Variants in ASAP3 observed in about 807,000 individuals in gnomAD.
ASAP3 encodes the protein arf-GAP with SH3 domain, ANK repeat and PH domain-containing protein 3.
A neutral mutation model predicts 118.2 loss-of-function variants in ASAP3; 85 were observed. That is an observed-to-expected ratio of 0.72 (90% CI 0.60 to 0.86). The LOEUF is 0.86. Among genes scored for constraint, ASAP3 ranks in the 40% least tolerant of loss-of-function variants. The pLI, the probability that ASAP3 is intolerant of heterozygous loss-of-function variation, is 0.00. For missense variants in ASAP3, 1,026 were observed against 1,175.0 expected, an observed-to-expected ratio of 0.87 and a Z score of 1.85; for synonymous variants, 432 against 477.4, an observed-to-expected ratio of 0.90 and a Z score of 1.24.
intron 22 of ASAP3, among the ~76,000 whole-genome samples, chr1:23,432,685 C>T (rs1009940291): frequency 6.6e-6 from 1 of 152,248 alleles, no homozygotes; most frequent in African/African-American, 2.4e-5. Flanking sequence ...TTGGGATTTA[C>T]ATTCTATATC....
Position 23,436,099 on chromosome 1 carries a change from C to T in ASAP3, c.1572-71G>A. ...CCAGCTGATCCCTGGGGCCCTCCCA[C>T]AGGAGATACAGCTCTCTTTTTCTCC... is the stretch of plus-strand genomic sequence containing the variant. On this transcript the variant is annotated intron_variant, in intron 16 of 24. Transcript: ENST00000336689. This position sits in a 1 kb window ranked among gnomAD's most constrained non-coding sequence, Gnocchi z 4.2. The T allele has an allele frequency of 1.3e-6, 2 of 1,512,532 alleles. No individual in the cohort carries two copies. The highest frequency in any genetic ancestry group is 2.3e-5 in the East Asian group (1 of 44,200). The allele number at this position is 1,512,532 out of a possible 1,614,324, so 93.7% of individuals were successfully genotyped here. A position where few individuals can be genotyped will look rare whatever the true frequency, so the allele number is the denominator to read the frequency against.
chr1:23,456,016 C>T lies in ASAP3; in HGVS notation c.213G>A (p.Glu71=), dbSNP rs1479970825. The T allele has an allele frequency of 1.2e-6, 2 of 1,614,136 alleles. No individual in the cohort carries two copies. ...AIHSSGLGHV[E]NEEQYREAVE... is the part of the protein sequence containing the mutation. Reference sequence around the variant, plus strand: ...CGGCCTCTCGGTACTGCTCTTCATTCTCCACATGGCCTGTGGAGGTACAGA... The same window carrying T: ...CGGCCTCTCGGTACTGCTCTTCATTTTCCACATGGCCTGTGGAGGTACAGA... The change falls in exon 3 of 25, where the codon GAG becomes GAA. Residue 71 remains glutamate (E), a synonymous_variant. Transcript: ENST00000336689.
chr1:23,447,641 A>T (rs1206377165), intron 5 of ASAP3, among the ~76,000 whole-genome samples: 2 of 152,224 alleles, frequency 1.3e-5, no homozygotes, highest in African/African-American at 4.8e-5. Flanking sequence ...TGGTAGGATT[A>T]TGATGATTCA....
Position 23,437,111 on chromosome 1 carries a change from C to T in ASAP3, c.1342+19G>A. 1 of 1,601,406 alleles carries T rather than the reference C, an allele frequency of 6.2e-7. No individual in the cohort carries two copies. On this transcript the variant is annotated intron_variant, in intron 14 of 24. Transcript: ENST00000336689. The surrounding 1 kb of genome is among the most constrained non-coding windows in gnomAD (Gnocchi z 6.1). ...CCCTCCACTTAAGCCTCCCTCCTGC[C>T]CCGGCCCCGGGGACCGACCTGCAGC...
chr1:23,436,761 G>A lies in ASAP3; in HGVS notation c.1477-107C>T, dbSNP rs536596252. ...AGTCCCGCCCCTCGGCCGCCCTCCC[G>A]GTTCAGGCCCCGCCCCTGACCACCC... On this transcript the variant is annotated intron_variant, in intron 15 of 24. Coordinates refer to ENST00000336689, the MANE Select transcript of ASAP3 (RefSeq NM_017707.4). The surrounding 1 kb of genome is among the most constrained non-coding windows in gnomAD (Gnocchi z 4.2). The A allele has an allele frequency of 9.2e-6, 12 of 1,307,736 alleles. No homozygotes were observed. In the African/African-American group the frequency reaches 1.6e-4, roughly 18 times the overall value. 81.0% of individuals were successfully genotyped at this position (1,307,736 alleles called of 1,614,324 possible).
In ASAP3 at chr1:23,436,662, C is replaced by A. The variant is rs773869832; in HGVS notation, c.1477-8G>T. On this transcript the variant is annotated splice_region_variant and splice_polypyrimidine_tract_variant and intron_variant, in intron 15 of 24. Transcript: ENST00000336689. This position sits in a 1 kb window ranked among gnomAD's most constrained non-coding sequence, Gnocchi z 4.2. ...TCCCATGTTCAAGGCCAGCTGGAGT[C>A]GTAGGAAAATAGACGTGGGGCGGAG... is the stretch of plus-strand genomic sequence containing the variant. The A allele has an allele frequency of 3.7e-6, 6 of 1,614,140 alleles. No individual in the cohort carries two copies. Among genetic ancestry groups the A allele is most frequent in the Non-Finnish European group, 4.2e-6 (5 of 1,180,016 alleles).
chr1:23,474,645 G>A (rs1190804046), intron 1 of ASAP3, among the ~76,000 whole-genome samples: 2 of 151,438 alleles, frequency 1.3e-5, no homozygotes, highest in Non-Finnish European at 2.9e-5. Flanking sequence ...GTGCAGTGGC[G>A]CAATCTCGGC....
At position 23,438,051 on chromosome 1, in the gene ASAP3, G is replaced by C. The variant is rs1033429395; in HGVS notation, c.1103-579C>G. ...ATGAACCCTCCACTCTGGCCAAACC[G>C]GCCAGACCCACTCTCCTGCTTCCAT... On this transcript the variant is annotated intron_variant, in intron 12 of 24. Coordinates refer to ENST00000336689, the MANE Select transcript of ASAP3 (RefSeq NM_017707.4). This position sits in a 1 kb window ranked among gnomAD's most constrained non-coding sequence, Gnocchi z 4.9. Among the ~76,000 whole-genome samples, 1 of 151,984 alleles carries C rather than the reference G, an allele frequency of 6.6e-6. No individual in the cohort carries two copies.
At chr1:23,452,622 G>GT (rs1641253364) in intron 4 of ASAP3, 75 bp downstream of exon 4, 1 of 1,500,626 alleles carries the variant, frequency 6.7e-7, no homozygotes, top group Non-Finnish European at 9.3e-7. Flanking sequence ...CCTCAGTCCA[G>GT]CCCTGCCCCC....
In ASAP3 at chr1:23,484,101, C is replaced by G. The variant is rs1642409961; in HGVS notation, c.33G>C (p.Leu11=). 3.0e-6 allele frequency: 4 copies of G among 1,341,024 alleles called. No homozygotes were observed. In the African/African-American group the frequency reaches 4.5e-5, roughly 15 times the overall value. The allele number at this position is 1,341,024 out of a possible 1,614,324, so 83.1% of individuals were successfully genotyped here. The change falls in exon 1 of 25, where the codon CTG becomes CTC. Residue 11 remains leucine (L), a synonymous_variant. Coordinates refer to ENST00000336689, the MANE Select transcript of ASAP3 (RefSeq NM_017707.4). MPEQFSVAEF[L]AVTAEDLSSP... ...AGCTGAGGTCCTCCGCGGTGACGGC[C>G]AGGAACTCGGCGACGCTGAACTGCT...
intron 5 of ASAP3, among the ~76,000 whole-genome samples, chr1:23,448,145 T>G (rs1641104679): frequency 6.6e-6 from 1 of 152,260 alleles, no homozygotes; most frequent in Non-Finnish European, 1.5e-5. Context: ...GTGAAAGTAC[T>G]TAAATGCTAG....
At chr1:23,465,192 T>C (rs1641726238) in intron 1 of ASAP3, among the ~76,000 whole-genome samples, 1 of 152,252 alleles carries the variant, frequency 6.6e-6, no homozygotes, top group Non-Finnish European at 1.5e-5. Context: ...TAGGAATTTC[T>C]CAACTTTCAT....
At chr1:23,454,735 TTAATA>T (rs1479962190) in intron 3 of ASAP3, among the ~76,000 whole-genome samples, 1 of 152,234 alleles carries the variant, frequency 6.6e-6, no homozygotes, top group African/African-American at 2.4e-5. Flanking sequence ...TGTTTTGCCA[TTAATA>T]TAATATTAGC....
chr1:23,437,401 G>C lies in ASAP3; in HGVS notation c.1151+23C>G. On this transcript the variant is annotated intron_variant, in intron 13 of 24. Coordinates refer to ENST00000336689, the MANE Select transcript of ASAP3 (RefSeq NM_017707.4). This position sits in a 1 kb window ranked among gnomAD's most constrained non-coding sequence, Gnocchi z 6.1. ...CCGGCCCCCACCCACAAGGCTGGCC[G>C]GGCTGGCCGAGGGGGCACTCACGCC... 1 of 1,613,170 alleles carries C rather than the reference G, an allele frequency of 6.2e-7. No individual in the cohort carries two copies. The highest frequency in any genetic ancestry group is 8.5e-7 in the Non-Finnish European group (1 of 1,179,506).
intron 1 of ASAP3, among the ~76,000 whole-genome samples, chr1:23,460,310 C>G (rs900683178): frequency 6.6e-6 from 1 of 152,048 alleles, no homozygotes; most frequent in African/African-American, 2.4e-5. Context: ...AGTTCAAGAC[C>G]AGCCTGGCAA....
intron 3 of ASAP3, among the ~76,000 whole-genome samples, chr1:23,454,692 T>C (rs752153112): frequency 6.6e-5 from 10 of 152,184 alleles, no homozygotes; most frequent in Non-Finnish European, 1.3e-4. Context: ...ATAACAATGA[T>C]AGATTTTATT....
chr1:23,436,060 T>C lies in ASAP3; in HGVS notation c.1572-32A>G, dbSNP rs1228777423. ...AAAACAACCACAGGATCTCAGAGCA[T>C]GGACCGTGTCTGCCCAGCTGATCCC... On this transcript the variant is annotated intron_variant, in intron 16 of 24. Coordinates refer to ENST00000336689, the MANE Select transcript of ASAP3 (RefSeq NM_017707.4). The surrounding 1 kb of genome is among the most constrained non-coding windows in gnomAD (Gnocchi z 4.2). 6.2e-7 allele frequency: 1 copy of C among 1,611,858 alleles called. No homozygotes were observed. The highest frequency in any genetic ancestry group is 8.5e-7 in the Non-Finnish European group (1 of 1,178,032).
At chr1:23,482,844 C>A (rs1431658243) in intron 1 of ASAP3, among the ~76,000 whole-genome samples, 1 of 151,222 alleles carries the variant, frequency 6.6e-6, no homozygotes, top group East Asian at 2.0e-4. Flanking sequence ...CCCAGCTACT[C>A]GGGAGGCTGA....
intron 17 of ASAP3, 113 bp downstream of exon 17, chr1:23,435,738 G>A: frequency 8.2e-7 from 1 of 1,224,620 alleles, no homozygotes; most frequent in South Asian, 1.2e-5. Flanking sequence ...TGATGGGTGA[G>A]ATCTGAGCAG....
Sources: gnomAD v4.1 joint callset for allele counts (sites outside exome capture counted in the v4.1 genomes callset) on GRCh38, gnomAD v4.1.1 for gene constraint, Gnocchi (gnomAD v3.1) non-coding constraint, MANE v1.5 for transcripts, NCBI Gene and HGNC (gene_info 2026-07-23, HGNC 2026-07-21) for gene names.